TBCA: variants seen among roughly 807,000 people sequenced by gnomAD.
TBCA encodes tubulin-specific chaperone A.
TBCA carries 6 observed loss-of-function variants against 15.8 expected under a neutral mutation model. The ratio of observed to expected loss-of-function variants is 0.38; its 90% CI spans 0.21 to 0.75. The LOEUF (loss-of-function observed/expected upper bound fraction) is 0.75. Among genes scored for constraint, TBCA ranks in the 30% least tolerant of loss-of-function variants. TBCA has a pLI of 0.46. For missense variants in TBCA, 90 were observed against 131.2 expected (o/e 0.69, Z 1.53); for synonymous variants, 32 against 42.3 (o/e 0.76, Z 0.94).
chr5:77,730,772 A>G (rs374332993), intron 1 of TBCA, among the ~76,000 whole-genome samples: 148 of 152,262 alleles, frequency 9.7e-4, no homozygotes, highest in African/African-American at 3.3e-3. Flanking sequence ...TATGCCAAGC[A>G]GTGGGCAACT....
intron 1 of TBCA, among the ~76,000 whole-genome samples, chr5:77,760,277 C>A (rs1354893400): frequency 6.6e-6 from 1 of 152,136 alleles, no homozygotes; most frequent in Admixed American, 6.5e-5. Flanking sequence ...AATCCCTAGC[C>A]AGTTTATGTA....
chr5:77,768,423 G>C (rs1338115131), intron 1 of TBCA, among the ~76,000 whole-genome samples: 3 of 152,180 alleles, frequency 2.0e-5, no homozygotes, highest in African/African-American at 7.2e-5. Context: ...CGTGTAGTAA[G>C]TGGAGCCTGG....
chr5:77,725,555 C>G (rs1746614298), intron 1 of TBCA, among the ~76,000 whole-genome samples: 1 of 152,154 alleles, frequency 6.6e-6, no homozygotes, highest in South Asian at 2.1e-4. Flanking sequence ...ATAGTCTTTT[C>G]CGACTGCAGT....
chr5:77,748,297 G>C (rs1274624836), intron 1 of TBCA, among the ~76,000 whole-genome samples: 1 of 151,968 alleles, frequency 6.6e-6, no homozygotes, highest in African/African-American at 2.4e-5. Context: ...GGCTCTACCA[G>C]TAATTAGCTG....
At chr5:77,723,152 A>T (rs1004198704) in intron 1 of TBCA, among the ~76,000 whole-genome samples, 4 of 151,886 alleles carry the variant, frequency 2.6e-5, no homozygotes, top group East Asian at 3.9e-4. Flanking sequence ...GGGTTTTTTT[A>T]AAAAAATCCA....
chr5:77,702,447 A>G (rs1222077421), intron 2 of TBCA, among the ~76,000 whole-genome samples: 1 of 152,242 alleles, frequency 6.6e-6, no homozygotes, highest in East Asian at 1.9e-4. Flanking sequence ...TGTAGATTCC[A>G]TTCTACGTTA....
intron 1 of TBCA, among the ~76,000 whole-genome samples, chr5:77,753,717 A>T (rs1455935188): frequency 6.6e-6 from 1 of 152,216 alleles, no homozygotes; most frequent in Non-Finnish European, 1.5e-5. Flanking sequence ...GTTCAATTTT[A>T]ACAAAAACTA....
intron 1 of TBCA, among the ~76,000 whole-genome samples, chr5:77,759,335 G>A (rs1747550967): frequency 6.6e-6 from 1 of 152,172 alleles, no homozygotes; most frequent in South Asian, 2.1e-4. Context: ...AAGCCTCCAG[G>A]TAGCAGACTT....
intron 1 of TBCA, among the ~76,000 whole-genome samples, chr5:77,745,882 T>C (rs1747174268): frequency 6.6e-6 from 1 of 152,176 alleles, no homozygotes. Flanking sequence ...TTGGAAAAGA[T>C]TTATCCCTTG....
intron 1 of TBCA, among the ~76,000 whole-genome samples, chr5:77,750,693 GTC>G (rs1259116815): frequency 1.3e-5 from 2 of 152,208 alleles, no homozygotes; most frequent in Non-Finnish European, 2.9e-5. Context: ...TCAGAGACAA[GTC>G]TCTGTCAATT....
In TBCA at chr5:77,693,890, G is replaced by GGTAATC. The variant is rs1178796517; in HGVS notation, c.160-544_160-539dup. Among the ~76,000 whole-genome samples, 3 of 149,474 alleles carry GGTAATC rather than the reference G, an allele frequency of 2.0e-5. No individual in the cohort carries two copies. In the East Asian group the frequency reaches 5.9e-4, roughly 29 times the overall value. ...GCAAGTTTTAGAACTAAATCTTTTT[G>GGTAATC]GTAATCACCTTCTCATGCTAAGTGA... On this transcript the variant is annotated intron_variant, in intron 2 of 3. Coordinates refer to ENST00000380377, the MANE Select transcript of TBCA (RefSeq NM_004607.3).
intron 1 of TBCA, among the ~76,000 whole-genome samples, chr5:77,771,050 G>A (rs1205636285): frequency 6.6e-6 from 1 of 151,598 alleles, no homozygotes; most frequent in African/African-American, 2.4e-5. Context: ...GAACCCAGGA[G>A]GCAGCAGCTG....
chr5:77,755,355 G>C, intron 1 of TBCA, among the ~76,000 whole-genome samples: 1 of 152,098 alleles, frequency 6.6e-6, no homozygotes, highest in East Asian at 1.9e-4. Flanking sequence ...AAGGTGAGCA[G>C]ATCATGAGGT....
chr5:77,767,031 A>C (rs2112515429), intron 1 of TBCA, among the ~76,000 whole-genome samples: 1 of 152,352 alleles, frequency 6.6e-6, no homozygotes, highest in South Asian at 2.1e-4. Context: ...ACTTTGATAT[A>C]GTGCAGCGTC....
chr5:77,745,789 T>A (rs1326070499), intron 1 of TBCA, among the ~76,000 whole-genome samples: 1 of 152,216 alleles, frequency 6.6e-6, no homozygotes, highest in East Asian at 1.9e-4. Context: ...TAGTCTAGAT[T>A]GGCAGTAACA....
chr5:77,691,727 T>C (rs1219308194), intron 3 of TBCA: 5 of 1,193,550 alleles, frequency 4.2e-6, no homozygotes, highest in East Asian at 4.5e-5. Flanking sequence ...TATATTCTCA[T>C]AAAATAAGTG....
intron 1 of TBCA, among the ~76,000 whole-genome samples, chr5:77,747,935 A>G (rs1747227830): frequency 6.6e-6 from 1 of 152,204 alleles, no homozygotes; most frequent in Non-Finnish European, 1.5e-5. Context: ...AAAATATTCA[A>G]CATAGTCTCC....
intron 3 of TBCA, chr5:77,692,534 C>T (rs1745776467): frequency 1.0e-6 from 1 of 967,282 alleles, no homozygotes; most frequent in Middle Eastern, 5.3e-4. Context: ...ATCCACCCAC[C>T]TCAGCCTCCC....
At chr5:77,745,624 G>GT (rs1747169058) in intron 1 of TBCA, among the ~76,000 whole-genome samples, 1 of 152,188 alleles carries the variant, frequency 6.6e-6, no homozygotes, top group South Asian at 2.1e-4. Flanking sequence ...AACTGGTGAT[G>GT]GTATAGGGGG....
Sources: allele counts gnomAD v4.1 joint callset (sites outside exome capture counted in the v4.1 genomes callset), GRCh38; gene constraint gnomAD v4.1.1; transcripts MANE v1.5; gene names NCBI Gene and HGNC (gene_info 2026-07-23, HGNC 2026-07-21).